The following ANTXR1 variants were observed in gnomAD, a reference collection of about 807,000 sequenced individuals.
ANTXR1 encodes anthrax toxin receptor 1.
ANTXR1 carries 19 observed loss-of-function variants against 78.1 expected under a neutral mutation model. The observed-to-expected ratio is 0.24, with a 90% confidence interval of 0.17 to 0.36. ANTXR1 has a LOEUF of 0.36. ANTXR1 is among the 10% of genes least tolerant of loss of function. The pLI, the probability that ANTXR1 is intolerant of heterozygous loss-of-function variation, is 1.00. For missense variants in ANTXR1, 518 were observed against 718.6 expected, an observed-to-expected ratio of 0.72 and a Z score of 3.19; for synonymous variants, 273 against 260.5, an observed-to-expected ratio of 1.05 and a Z score of -0.46.
chr2:69,166,772 A>G (rs1334900685), intron 13 of ANTXR1, among the ~76,000 whole-genome samples: 1 of 152,220 alleles, frequency 6.6e-6, no homozygotes, highest in African/African-American at 2.4e-5. Flanking sequence ...ACCTGAGAAA[A>G]AGGAGAGTGG....
chr2:69,177,861 G>A lies in ANTXR1; in HGVS notation c.1090-3925G>A, dbSNP rs150416297. Among the ~76,000 whole-genome samples the A allele has an allele frequency of 2.4e-4, 36 of 152,274 alleles. No homozygotes were observed. The East Asian group carries it at 5.6e-3, about 24-fold the overall frequency. On this transcript the variant is annotated intron_variant, in intron 14 of 17. Transcript: ENST00000303714. Reference sequence around the variant, plus strand: ...GATTGGGGGTCGTAGCTGTTCACTGGTAGCTCTGCCCCACTCTGTTCTGCT... The same window carrying A: ...GATTGGGGGTCGTAGCTGTTCACTGATAGCTCTGCCCCACTCTGTTCTGCT...
At chr2:69,223,157 T>G (rs1322118926) in intron 17 of ANTXR1, among the ~76,000 whole-genome samples, 1 of 152,204 alleles carries the variant, frequency 6.6e-6, no homozygotes, top group Non-Finnish European at 1.5e-5. Context: ...CTGTGCAGGC[T>G]GGCAGATGGC....
intron 17 of ANTXR1, among the ~76,000 whole-genome samples, chr2:69,197,114 G>T (rs1053625969): frequency 1.3e-5 from 2 of 152,154 alleles, no homozygotes; most frequent in Non-Finnish European, 2.9e-5. Flanking sequence ...TTTTGCCTGC[G>T]GTGGGCTCAT....
chr2:69,039,975 A>T (rs1247973706), intron 1 of ANTXR1, 69 bp from the exon 2 acceptor site: 2 of 1,283,932 alleles, frequency 1.6e-6, no homozygotes, highest in Non-Finnish European at 2.3e-6. Flanking sequence ...ACAGAATGTG[A>T]AGATAAATAA....
At chr2:69,019,862 C>G (rs2103988442) in intron 1 of ANTXR1, among the ~76,000 whole-genome samples, 1 of 152,236 alleles carries the variant, frequency 6.6e-6, no homozygotes, top group South Asian at 2.1e-4. Flanking sequence ...CATTAGTTTT[C>G]TAAGGATAAC....
intron 12 of ANTXR1, among the ~76,000 whole-genome samples, chr2:69,136,734 C>CG (rs1672918314): frequency 6.6e-6 from 1 of 152,096 alleles, no homozygotes; most frequent in Non-Finnish European, 1.5e-5. Flanking sequence ...AGAAGAATGA[C>CG]AGAGTAAACC....
chr2:69,219,402 C>T (rs527808855), intron 17 of ANTXR1, among the ~76,000 whole-genome samples: 65 of 151,738 alleles, frequency 4.3e-4, no homozygotes, highest in African/African-American at 1.6e-3. Flanking sequence ...CACACACACA[C>T]ACACACACAC....
At chr2:69,060,410 A>G (rs72895484) in intron 3 of ANTXR1, among the ~76,000 whole-genome samples, 8,472 of 152,240 alleles carry the variant, frequency 0.056, 276 homozygotes, top group Admixed American at 0.11. Flanking sequence ...CTCTGAAGTC[A>G]TGGAAGAATG....
chr2:69,046,320 T>A (rs1182750400), intron 3 of ANTXR1, among the ~76,000 whole-genome samples: 1 of 151,980 alleles, frequency 6.6e-6, no homozygotes, highest in East Asian at 1.9e-4. Context: ...GTCAGAGGGG[T>A]CAGGGATTTA....
chr2:69,023,826 G>C (rs1260190872), intron 1 of ANTXR1, among the ~76,000 whole-genome samples: 1 of 152,160 alleles, frequency 6.6e-6, no homozygotes, highest in Non-Finnish European at 1.5e-5. Flanking sequence ...GGTGACTTTG[G>C]ATCTGGAACT....
intron 13 of ANTXR1, among the ~76,000 whole-genome samples, chr2:69,168,855 G>A (rs1448097995): frequency 2.0e-5 from 3 of 152,228 alleles, no homozygotes; most frequent in African/African-American, 2.4e-5. Context: ...GGAAGTGGAG[G>A]CAGATGAAAT....
At chr2:69,140,895 C>T (rs772904020) in intron 12 of ANTXR1, among the ~76,000 whole-genome samples, 2 of 152,214 alleles carry the variant, frequency 1.3e-5, no homozygotes, top group African/African-American at 2.4e-5. Flanking sequence ...AAGGAATCTA[C>T]TATCTTCAGT....
chr2:69,122,797 AG>A (rs1199169640), intron 10 of ANTXR1, among the ~76,000 whole-genome samples: 1 of 149,458 alleles, frequency 6.7e-6, no homozygotes, highest in African/African-American at 2.5e-5. Flanking sequence ...TCCTGTGTCC[AG>A]GTGTTCTCAT....
chr2:69,040,146 T>A, intron 2 of ANTXR1, 31 bp downstream of exon 2: 1 of 1,590,322 alleles, frequency 6.3e-7, no homozygotes, highest in Non-Finnish European at 8.6e-7. Context: ...TGTTCACTTG[T>A]AGTTCTCTGT....
intron 13 of ANTXR1, among the ~76,000 whole-genome samples, chr2:69,162,152 G>A (rs1673698654): frequency 6.6e-6 from 1 of 152,152 alleles, no homozygotes; most frequent in Non-Finnish European, 1.5e-5. Context: ...GAAAATAGGA[G>A]ATGTTTCCAG....
intron 12 of ANTXR1, among the ~76,000 whole-genome samples, chr2:69,133,891 A>G (rs929347626): frequency 6.6e-6 from 1 of 152,216 alleles, no homozygotes; most frequent in African/African-American, 2.4e-5. Context: ...GATCAGATCA[A>G]TGTGGCTAAA....
intron 12 of ANTXR1, among the ~76,000 whole-genome samples, chr2:69,131,748 CAGA>C (rs1486148750): frequency 6.6e-6 from 1 of 152,058 alleles, no homozygotes; most frequent in African/African-American, 2.4e-5. Flanking sequence ...GAAAAGGAGC[CAGA>C]AGGAGGTAGA....
At chr2:69,047,480 TTC>T (rs1394383490) in intron 3 of ANTXR1, among the ~76,000 whole-genome samples, 1 of 152,222 alleles carries the variant, frequency 6.6e-6, no homozygotes, top group Admixed American at 6.5e-5. Context: ...TGTGTCGTTT[TTC>T]TCTGTTTTCA....
intron 10 of ANTXR1, among the ~76,000 whole-genome samples, chr2:69,120,716 A>G (rs952827928): frequency 6.6e-6 from 1 of 152,144 alleles, no homozygotes; most frequent in Non-Finnish European, 1.5e-5. Context: ...GTACTACATG[A>G]TCCTACACTG....
Sources: gnomAD v4.1 joint callset for allele counts (sites outside exome capture counted in the v4.1 genomes callset) on GRCh38, gnomAD v4.1.1 for gene constraint, MANE v1.5 for transcripts, NCBI Gene and HGNC (gene_info 2026-07-23, HGNC 2026-07-21) for gene names.